Variants in CBLN4 observed in about 807,000 individuals in gnomAD.
The protein encoded by CBLN4 is cerebellin-4.
A neutral mutation model predicts 14.9 loss-of-function variants in CBLN4; 7 were observed. The observed-to-expected ratio is 0.47, with a 90% CI of 0.27 to 0.88. The LOEUF (loss-of-function observed/expected upper bound fraction) is 0.88, where lower values mean the gene tolerates loss of function less well. Among genes scored for constraint, CBLN4 ranks in the 40% least tolerant of loss-of-function variants. The pLI, the probability that CBLN4 is intolerant of heterozygous loss-of-function variation, is 0.14. For synonymous variants in CBLN4, 131 were observed against 116.5 expected (o/e 1.12, Z -0.80); for missense variants, 188 against 256.8 (o/e 0.73, Z 1.83).
In CBLN4 at chr20:55,998,758, G is replaced by A. The variant is rs374020957; in HGVS notation, c.409-4C>T. On this transcript the variant is annotated splice_region_variant and splice_polypyrimidine_tract_variant and intron_variant, in intron 2 of 2. Transcript: ENST00000064571. ...TTCCATTTAACATCAAGTTAACCTA[G>A]AAGAAGAAAAATAATAATAATTGAA... 3 of 1,603,318 alleles carry A rather than the reference G, an allele frequency of 1.9e-6. No individual in the cohort carries two copies. Among genetic ancestry groups the A allele is most frequent in the South Asian group, 2.2e-5 (2 of 90,796 alleles).
Position 56,003,847 on chromosome 20 carries a change from A to AC in CBLN4, c.291+33dup, listed in dbSNP as rs759012490. ...GTGCTGAGGTGCCTGGAGACCGCCC[A>AC]CCCCCTAGGTGCTCGCTTCCCCCCG... On this transcript the variant is annotated intron_variant, in intron 1 of 2. Transcript: ENST00000064571. 93 of 1,555,860 alleles carry AC rather than the reference A, an allele frequency of 6.0e-5. No individual in the cohort carries two copies. In the African/African-American group the frequency reaches 1.1e-3, roughly 18 times the overall value.
chr20:56,003,687 T>C (rs1986413076), intron 1 of CBLN4, among the ~76,000 whole-genome samples, 194 bp downstream of exon 1: 1 of 151,854 alleles, frequency 6.6e-6, no homozygotes, highest in Non-Finnish European at 1.5e-5. Flanking sequence ...CCGGAAGAAA[T>C]GGGAGCCGGG....
At chr20:56,001,761 C>T (rs1376089934) in intron 1 of CBLN4, among the ~76,000 whole-genome samples, 1 of 152,168 alleles carries the variant, frequency 6.6e-6, no homozygotes, top group African/African-American at 2.4e-5. Flanking sequence ...CCAAAATATT[C>T]AGCCTAGTTC....
At chr20:56,002,276 C>A (rs1392241516) in intron 1 of CBLN4, among the ~76,000 whole-genome samples, 1 of 152,210 alleles carries the variant, frequency 6.6e-6, no homozygotes, top group Admixed American at 6.5e-5. Context: ...CAATAATCCC[C>A]AGCAGAGGCT....
rs149969186 is a variant in CBLN4, at chr20:56,001,857, G to C, written c.292-1010C>G. Among the ~76,000 whole-genome samples the C allele has an allele frequency of 1.3e-3, 195 of 152,252 alleles. 1 individual carries two copies. Among genetic ancestry groups the C allele is most frequent in the African/African-American group, 4.5e-3 (189 of 41,546 alleles). ...GTCACATGGGTAAGTCTCTTTCTAT[G>C]AGAAAGAGGGATTGGGATGGAGGAT... On this transcript the variant is annotated intron_variant, in intron 1 of 2. Transcript: ENST00000064571.
At position 55,998,482 on chromosome 20, in the gene CBLN4, A is replaced by C; in HGVS notation, c.*75T>G. 1 of 1,525,030 alleles carries C rather than the reference A, an allele frequency of 6.6e-7. No individual in the cohort carries two copies. Among genetic ancestry groups the C allele is most frequent in the South Asian group, 1.2e-5 (1 of 86,480 alleles). The allele number at this position is 1,525,030 out of a possible 1,614,324, so 94.5% of individuals were successfully genotyped here. A position where few individuals can be genotyped will look rare whatever the true frequency, so the allele number is the denominator to read the frequency against. On this transcript the variant is annotated 3_prime_UTR_variant, in exon 3 of 3. Coordinates refer to ENST00000064571, the MANE Select transcript of CBLN4 (RefSeq NM_080617.6). The stretch of plus-strand genomic sequence containing the variant: ...ACCAATAAAAGACATCAATCCAATG[A>C]TGAAAAAATGATCTTCCAATAACTC...
Position 55,998,548 on chromosome 20 carries a change from A to T in CBLN4, c.*9T>A, listed in dbSNP as rs1216795528. On this transcript the variant is annotated 3_prime_UTR_variant, in exon 3 of 3. Transcript: ENST00000064571. ...CTCACCTGGATGAACATCATGGAGA[A>T]ATTGAATCCTATAGGGGGAACACCA... 6.2e-7 allele frequency: 1 copy of T among 1,613,940 alleles called. No homozygotes were observed. The highest frequency in any genetic ancestry group is 1.3e-5 in the African/African-American group (1 of 74,934).
intron 2 of CBLN4, 139 bp downstream of exon 2, chr20:56,000,592 G>A: frequency 2.3e-6 from 1 of 443,950 alleles, no homozygotes; most frequent in Middle Eastern, 3.1e-4. Flanking sequence ...TAGAAATTAA[G>A]TGTTTTAAAA....
intron 2 of CBLN4, among the ~76,000 whole-genome samples, chr20:55,999,564 G>A (rs146797202): frequency 1.3e-5 from 2 of 152,342 alleles, no homozygotes; most frequent in Non-Finnish European, 2.9e-5. Context: ...GGGGTTTGAG[G>A]CTGAAGTGAG....
rs764481158 is a variant in CBLN4, at chr20:55,998,723, A to G, written c.440T>C (p.Ile147Thr). 1 of 1,613,986 alleles carries G rather than the reference A, an allele frequency of 6.2e-7. No individual in the cohort carries two copies. The highest frequency in any genetic ancestry group is 1.3e-5 in the African/African-American group (1 of 74,950). The change falls in exon 3 of 3, where the codon ATA becomes ACA. Residue 147 changes from isoleucine to threonine, a missense_variant. Physicochemically the swap from Ile to Thr is moderately conservative, Grantham distance 89. Around this residue, in one of 2 missense-constraint regions of CBLN4, gnomAD observed 93 missense variants for 157.7 expected, o/e 0.59. Coordinates refer to ENST00000064571, the MANE Select transcript of CBLN4 (RefSeq NM_080617.6). Reference protein sequence around the residue: ...VNLMLNGKPVISAFAGDKDVT... With the variant: ...VNLMLNGKPVTSAFAGDKDVT... ...ATCTTTGTCCCCCGCAAAGGCAGAT[A>G]TTACTGGTTTTCCATTTAACATCAA...
At chr20:56,000,987 T>G (rs2145958873) in intron 1 of CBLN4, 140 bp from the exon 2 acceptor site, 1 of 436,908 alleles carries the variant, frequency 2.3e-6, no homozygotes, top group South Asian at 5.9e-5. Context: ...TTTCTTTCTT[T>G]TCTTTTTTCT....
chr20:56,003,133 A>G (rs893993009), intron 1 of CBLN4, among the ~76,000 whole-genome samples: 3 of 152,170 alleles, frequency 2.0e-5, no homozygotes, highest in African/African-American at 7.2e-5. Context: ...GCTATTTGCA[A>G]TTCTCTGAAA....
Position 56,004,055 on chromosome 20 carries a change from C to T in CBLN4, c.117G>A (p.Lys39=), listed in dbSNP as rs146945625. The change falls in exon 1 of 3, where the codon AAG becomes AAA. Residue 39 remains lysine (K), a synonymous_variant. Coordinates refer to ENST00000064571, the MANE Select transcript of CBLN4 (RefSeq NM_080617.6). The surrounding 1 kb of genome is among the most constrained non-coding windows in gnomAD (Gnocchi z 6.1). ...NDTEPIVLEG[K]CLVVCDSNPA... ...GGTTCGAGTCGCACACCACCAGACA[C>T]TTGCCCTCCAGCACGATGGGCTCCG... 2.2e-4 allele frequency: 348 copies of T among 1,613,970 alleles called. 1 individual carries two copies. In the East Asian group the frequency reaches 7.2e-3, roughly 34 times the overall value.
In CBLN4 at chr20:56,004,064, C is replaced by T; in HGVS notation, c.108G>A (p.Leu36=). The change falls in exon 1 of 3, where the codon CTG becomes CTA. Residue 36 remains leucine, a synonymous_variant. Transcript: ENST00000064571. This position sits in a 1 kb window ranked among gnomAD's most constrained non-coding sequence, Gnocchi z 6.1. The part of the protein sequence containing the change: ...WAQNDTEPIV[L]EGKCLVVCDS... ...CGCACACCACCAGACACTTGCCCTC[C>T]AGCACGATGGGCTCCGTGTCGTTCT... 1 of 1,613,818 alleles carries T rather than the reference C, an allele frequency of 6.2e-7. No homozygotes were observed. Among genetic ancestry groups the T allele is most frequent in the Non-Finnish European group, 8.5e-7 (1 of 1,179,938 alleles).
Position 55,998,669 on chromosome 20 carries a change from AC to A in CBLN4, c.493del (p.Val165SerfsTer5). Reference sequence around the variant, plus strand: ...ATCCTCTTTATCTAGGTAGAGCAGGACACCATTCGTGGCAGCTTCACGAGTA... The same window carrying A: ...ATCCTCTTTATCTAGGTAGAGCAGGAACCATTCGTGGCAGCTTCACGAGTA... The part of the protein sequence containing the change: ...DVTREAATNG[V>X]LLYLDKEDKV... On this transcript the variant is annotated frameshift_variant, in exon 3 of 3. Transcript: ENST00000064571. LOFTEE classifies it high-confidence loss of function. 2 of 1,614,186 alleles carry A rather than the reference AC, an allele frequency of 1.2e-6. No individual in the cohort carries two copies. The highest frequency in any genetic ancestry group is 1.7e-6 in the Non-Finnish European group (2 of 1,179,998).
intron 1 of CBLN4, among the ~76,000 whole-genome samples, chr20:56,001,836 C>G (rs1439087180): frequency 6.6e-6 from 1 of 152,108 alleles, no homozygotes; most frequent in East Asian, 1.9e-4. Flanking sequence ...TGCAATGTCA[C>G]ATGGGTAAGT....
chr20:56,000,584 G>A (rs1436327382), intron 2 of CBLN4, 147 bp downstream of exon 2: 3 of 429,552 alleles, frequency 7.0e-6, no homozygotes, highest in African/African-American at 6.2e-5. Flanking sequence ...AAAAAAATTA[G>A]AAATTAAGTG....
Position 56,004,561 on chromosome 20 carries a change from C to T in CBLN4, c.-390G>A. On this transcript the variant is annotated 5_prime_UTR_variant, in exon 1 of 3. The change creates a new upstream start codon in the 5' untranslated region. Coordinates refer to ENST00000064571, the MANE Select transcript of CBLN4 (RefSeq NM_080617.6). This position sits in a 1 kb window ranked among gnomAD's most constrained non-coding sequence, Gnocchi z 6.1. ...TAAATTCTCACCCCAAACTCAAGCACCACCAGCTAAACCACGGAGCAGGAA... is the reference window on the plus strand; with the variant it reads ...TAAATTCTCACCCCAAACTCAAGCATCACCAGCTAAACCACGGAGCAGGAA... 5.8e-6 allele frequency: 1 copy of T among 173,370 alleles called. No individual in the cohort carries two copies. Among genetic ancestry groups the T allele is most frequent in the Non-Finnish European group, 1.2e-5 (1 of 82,848 alleles). The allele number at this position is 173,370 out of a possible 1,614,324, so 10.7% of individuals were successfully genotyped here.
chr20:55,997,567 G>A lies in CBLN4; in HGVS notation c.*990C>T, dbSNP rs1369411509. ...ATTTGAATTTAATATTAGCTAAACA[G>A]ATAAATATATACAATTTAAAGAGTT... On this transcript the variant is annotated 3_prime_UTR_variant, in exon 3 of 3. Transcript: ENST00000064571. 1.3e-5 allele frequency: 2 copies of A among 152,262 alleles called. No homozygotes were observed. The highest frequency in any genetic ancestry group is 2.9e-5 in the Non-Finnish European group (2 of 67,964). The allele number at this position is 152,262 out of a possible 1,614,324, so 9.4% of individuals were successfully genotyped here. A position where few individuals can be genotyped will look rare whatever the true frequency, so the allele number is the denominator to read the frequency against.
Sources: allele counts gnomAD v4.1 joint callset (sites outside exome capture counted in the v4.1 genomes callset), GRCh38; gene constraint gnomAD v4.1.1; regional missense constraint gnomAD v4.1.1; non-coding constraint Gnocchi (gnomAD v3.1); transcripts MANE v1.5; gene names NCBI Gene and HGNC (gene_info 2026-07-23, HGNC 2026-07-21).